KCNJ3: variants seen among roughly 807,000 people sequenced by gnomAD.
KCNJ3 encodes potassium inwardly rectifying channel subfamily J member 3.
Under a neutral mutation model 39.2 loss-of-function variants are expected in KCNJ3, and 4 were observed. The ratio of observed to expected loss-of-function variants is 0.10; its 90% CI spans 0.05 to 0.23. The LOEUF is 0.23. KCNJ3 is among the 10% of genes least tolerant of loss of function. KCNJ3 has a pLI of 1.00. For synonymous variants in KCNJ3, 230 were observed against 237.4 expected (o/e 0.97, Z 0.29); for missense variants, 276 against 634.9 (o/e 0.43, Z 6.08).
At chr2:154,834,671 G>GTGAGCCGAA (rs1230780089) in intron 2 of KCNJ3, among the ~76,000 whole-genome samples, 1 of 151,968 alleles carries the variant, frequency 6.6e-6, no homozygotes, top group African/African-American at 2.4e-5. Flanking sequence ...GGAGCTTACA[G>GTGAGCCGAA]TGAGCCGAGT....
At position 154,780,782 on chromosome 2, in the gene KCNJ3, C is replaced by T. The variant is rs185152947; in HGVS notation, c.919+70963C>T. Among the ~76,000 whole-genome samples, 12 of 152,120 alleles carry T rather than the reference C, an allele frequency of 7.9e-5. No homozygotes were observed. The East Asian group carries it at 1.2e-3, about 15-fold the overall frequency. Reference sequence around the variant, plus strand: ...ATATCCCTCCAGCTTTCCTCTTTTTCGAACAAAGAAATTGACATGAATAAT... The same window carrying T: ...ATATCCCTCCAGCTTTCCTCTTTTTTGAACAAAGAAATTGACATGAATAAT... On this transcript the variant is annotated intron_variant, in intron 2 of 2. Coordinates refer to ENST00000295101, the MANE Select transcript of KCNJ3 (RefSeq NM_002239.4).
chr2:154,846,530 G>T (rs1687665466), intron 2 of KCNJ3, among the ~76,000 whole-genome samples: 1 of 152,134 alleles, frequency 6.6e-6, no homozygotes, highest in South Asian at 2.1e-4. Flanking sequence ...AGCAGTCAAG[G>T]TTCAGATAAT....
intron 2 of KCNJ3, among the ~76,000 whole-genome samples, chr2:154,803,844 A>T (rs577958971): frequency 3.1e-4 from 47 of 152,168 alleles, no homozygotes; most frequent in African/African-American, 1.1e-3. Context: ...AACGCTGATT[A>T]GGCTGTGTGT....
rs542663515 is a variant in KCNJ3, at chr2:154,825,752, A to T, written c.920-28975A>T. ...CCACCACACCCAGCTAATTTTTTTT[A>T]ACTTTTGTAGAGAATGAGGTCTCAC... On this transcript the variant is annotated intron_variant, in intron 2 of 2. Coordinates refer to ENST00000295101, the MANE Select transcript of KCNJ3 (RefSeq NM_002239.4). Among the ~76,000 whole-genome samples the T allele has an allele frequency of 2.8e-3, 426 of 150,546 alleles. 3 individuals carry two copies. Among genetic ancestry groups the T allele is most frequent in the Non-Finnish European group, 2.8e-3 (189 of 67,670 alleles).
chr2:154,793,114 A>G (rs1259713448), intron 2 of KCNJ3, among the ~76,000 whole-genome samples: 1 of 152,118 alleles, frequency 6.6e-6, no homozygotes, highest in Non-Finnish European at 1.5e-5. Flanking sequence ...AAGTATTCAC[A>G]TCATGACATT....
chr2:154,814,082 C>T (rs1687043430), intron 2 of KCNJ3, among the ~76,000 whole-genome samples: 1 of 152,180 alleles, frequency 6.6e-6, no homozygotes, highest in Non-Finnish European at 1.5e-5. Context: ...TCTCTCCTAC[C>T]TTGTCATTAC....
intron 2 of KCNJ3, among the ~76,000 whole-genome samples, chr2:154,771,775 G>A (rs1373052094): frequency 6.6e-6 from 1 of 152,140 alleles, no homozygotes; most frequent in Non-Finnish European, 1.5e-5. Context: ...CAATATCGTT[G>A]AGAGATGGCA....
Position 154,756,148 on chromosome 2 carries a change from G to A in KCNJ3, c.919+46329G>A, listed in dbSNP as rs553159609. On this transcript the variant is annotated intron_variant, in intron 2 of 2. Transcript: ENST00000295101. ...TTTATTATTGATATTTGATCCATCC[G>A]TCTTACAGTCTTCATTTTGAATAAA... Among the ~76,000 whole-genome samples, 777 of 151,994 alleles carry A rather than the reference G, an allele frequency of 5.1e-3. 2 individuals carry two copies. Among genetic ancestry groups the A allele is most frequent in the Middle Eastern group, 0.014 (4 of 294 alleles).
chr2:154,826,478 A>G (rs979566740), intron 2 of KCNJ3, among the ~76,000 whole-genome samples: 3 of 152,180 alleles, frequency 2.0e-5, no homozygotes, highest in African/African-American at 7.2e-5. Context: ...TTGGTTAATG[A>G]AGTTGTGGTA....
intron 2 of KCNJ3, among the ~76,000 whole-genome samples, chr2:154,768,374 G>T (rs1159707473): frequency 6.6e-6 from 1 of 152,186 alleles, no homozygotes; most frequent in African/African-American, 2.4e-5. Flanking sequence ...TAAGGTGTAA[G>T]GAAGGGATCC....
chr2:154,716,234 C>T (rs907585378), intron 2 of KCNJ3, among the ~76,000 whole-genome samples: 3 of 150,806 alleles, frequency 2.0e-5, no homozygotes, highest in South Asian at 2.1e-4. Context: ...CTCAGCCTGC[C>T]GAGCAGCTGG....
chr2:154,732,735 G>A (rs1054281005), intron 2 of KCNJ3, among the ~76,000 whole-genome samples: 8 of 152,014 alleles, frequency 5.3e-5, no homozygotes, highest in South Asian at 4.1e-4. Context: ...TCTTCTTTGC[G>A]TTGTTTTGCT....
rs183224163 is a variant in KCNJ3, at chr2:154,841,044, C to T, written c.920-13683C>T. Among the ~76,000 whole-genome samples, 518 of 152,178 alleles carry T rather than the reference C, an allele frequency of 3.4e-3. 2 individuals are homozygous for T. The highest frequency in any genetic ancestry group is 6.8e-3 in the Middle Eastern group (2 of 294). On this transcript the variant is annotated intron_variant, in intron 2 of 2. Transcript: ENST00000295101. ...AAAGGGAATGCTTCCAGTTTTTGCC[C>T]ATTTAGTATGATATTGGCTGTGGGT... is the stretch of plus-strand genomic sequence containing the variant.
intron 2 of KCNJ3, among the ~76,000 whole-genome samples, chr2:154,801,060 G>A (rs1167367127): frequency 6.6e-6 from 1 of 152,110 alleles, no homozygotes; most frequent in Non-Finnish European, 1.5e-5. Context: ...GATATAGCAG[G>A]TACAGTGTAG....
intron 2 of KCNJ3, among the ~76,000 whole-genome samples, chr2:154,736,442 G>A (rs1043533737): frequency 5.8e-5 from 8 of 137,258 alleles, no homozygotes; most frequent in African/African-American, 2.2e-4. Context: ...CTGACACTGT[G>A]ACACTGGACT....
At chr2:154,848,074 C>T (rs1313500366) in intron 2 of KCNJ3, among the ~76,000 whole-genome samples, 2 of 152,170 alleles carry the variant, frequency 1.3e-5, no homozygotes, top group African/African-American at 4.8e-5. Flanking sequence ...GTACAATTTA[C>T]TTAATAACAA....
intron 2 of KCNJ3, among the ~76,000 whole-genome samples, chr2:154,782,008 A>G (rs80023470): frequency 0.026 from 3,973 of 152,196 alleles, 152 homozygotes; most frequent in South Asian, 0.081. Context: ...TGGACTTTTA[A>G]ATCTGTTTTT....
intron 2 of KCNJ3, among the ~76,000 whole-genome samples, chr2:154,721,516 A>G (rs1301920139): frequency 6.6e-6 from 1 of 152,158 alleles, no homozygotes; most frequent in Non-Finnish European, 1.5e-5. Context: ...ATTTAATCAT[A>G]TCTGCTTGAT....
chr2:154,709,234 G>A (rs973805047), intron 1 of KCNJ3: 1 of 216,572 alleles, frequency 4.6e-6, no homozygotes, highest in African/African-American at 2.3e-5. Context: ...TTGCTGTGTT[G>A]AGAAAAAAAA....
Sources: gnomAD v4.1 joint callset for allele counts (sites outside exome capture counted in the v4.1 genomes callset) on GRCh38, gnomAD v4.1.1 for gene constraint, MANE v1.5 for transcripts, NCBI Gene and HGNC (gene_info 2026-07-23, HGNC 2026-07-21) for gene names.